Variants in CCT4 observed in about 807,000 individuals in gnomAD.
CCT4 encodes chaperonin containing TCP1 subunit 4.
CCT4 carries 17 observed loss-of-function variants against 62.5 expected under a neutral mutation model. That is an observed-to-expected ratio of 0.27 (90% CI 0.19 to 0.41). The LOEUF (loss-of-function observed/expected upper bound fraction) is 0.41. Among genes scored for constraint, CCT4 ranks in the 10% least tolerant of loss-of-function variants. The probability of loss-of-function intolerance (pLI) is 1.00; values close to 1 mark genes in which losing one functional copy is unlikely to be tolerated. For synonymous variants in CCT4, 250 were observed against 229.9 expected (o/e 1.09, Z -0.79); for missense variants, 592 against 659.2 (o/e 0.90, Z 1.12).
chr2:61,888,499 C>G lies in CCT4; in HGVS notation c.9G>C (p.Glu3Asp), dbSNP rs777678342. The change falls in exon 1 of 14, where the codon GAG becomes GAC. Residue 3 changes from glutamate (E) to aspartate (D), a missense_variant. Coordinates refer to ENST00000394440, the MANE Select transcript of CCT4 (RefSeq NM_006430.4). MP[E>D]NVAPRSGATA... ...TCGCCCCGCTCCGGGGTGCCACATT[C>G]TCGGGCATGGCAAACTCCGCTGTGT... 1.9e-6 allele frequency: 3 copies of G among 1,611,944 alleles called. No homozygotes were observed. Among genetic ancestry groups the G allele is most frequent in the African/African-American group, 1.3e-5 (1 of 75,016 alleles).
intron 3 of CCT4, among the ~76,000 whole-genome samples, chr2:61,882,929 A>T (rs181482275): frequency 6.6e-6 from 1 of 151,786 alleles, no homozygotes; most frequent in East Asian, 1.9e-4. Context: ...CAGCCTATGG[A>T]GTGGCTGGGA....
chr2:61,879,255 ACTT>A lies in CCT4; in HGVS notation c.380-247_380-245del, dbSNP rs1171255515. ...GGTCTTGACTAAAACCAAATTTTAT[ACTT>A]TTTTTTTTTTTTTTTTTTTCTGAGA... is the stretch of plus-strand genomic sequence containing the variant. On this transcript the variant is annotated intron_variant, in intron 4 of 13. Coordinates refer to ENST00000394440, the MANE Select transcript of CCT4 (RefSeq NM_006430.4). Among the ~76,000 whole-genome samples the A allele has an allele frequency of 7.1e-5, 5 of 70,840 alleles. No homozygotes were observed. In the East Asian group the frequency reaches 1.1e-3, roughly 15 times the overall value. 46.5% of individuals were successfully genotyped at this position (70,840 alleles called of 152,430 possible).
At chr2:61,881,524 G>A (rs1199554427) in intron 3 of CCT4, among the ~76,000 whole-genome samples, 1 of 151,990 alleles carries the variant, frequency 6.6e-6, no homozygotes. Flanking sequence ...CATACTATTT[G>A]TAAAATAGTA....
At chr2:61,870,284 A>G (rs1490286502) in intron 12 of CCT4, among the ~76,000 whole-genome samples, 1 of 152,072 alleles carries the variant, frequency 6.6e-6, no homozygotes, top group Non-Finnish European at 1.5e-5. Flanking sequence ...CAAAAAAACA[A>G]AACAAAACAA....
rs111946452 is a variant in CCT4, at chr2:61,886,765, CT to C, written c.127+1615del. Among the ~76,000 whole-genome samples, 1,058 of 145,538 alleles carry C rather than the reference CT, an allele frequency of 7.3e-3. 13 individuals are homozygous for C. Among genetic ancestry groups the C allele is most frequent in the African/African-American group, 0.021 (856 of 40,046 alleles). On this transcript the variant is annotated intron_variant, in intron 1 of 13. Transcript: ENST00000394440. ...AAACTCTCTTGGCCCCCAAATTTATCTTTTTTTTTTTTTGAGACGGAGTTTC... is the reference window on the plus strand; with the variant it reads ...AAACTCTCTTGGCCCCCAAATTTATCTTTTTTTTTTTTGAGACGGAGTTTC...
intron 1 of CCT4, 39 bp from the exon 2 acceptor site, chr2:61,885,111 CT>C (rs57035931): frequency 0.028 from 33,672 of 1,185,562 alleles, 17 homozygotes; most frequent in African/African-American, 0.048. Flanking sequence ...CAAATTAGAA[CT>C]TTTTTTTTTT....
chr2:61,870,457 C>A (rs1312604043), intron 12 of CCT4, among the ~76,000 whole-genome samples: 6 of 152,110 alleles, frequency 3.9e-5, no homozygotes, highest in Non-Finnish European at 8.8e-5. Context: ...TACAGGCATC[C>A]TTGCTTCCAG....
chr2:61,873,870 T>C (rs566868411), intron 8 of CCT4, among the ~76,000 whole-genome samples: 1 of 151,586 alleles, frequency 6.6e-6, no homozygotes, highest in Non-Finnish European at 1.5e-5. Flanking sequence ...CCGGCTCATT[T>C]ATTTATTTTT....
chr2:61,875,141 C>A (rs1382004990), intron 8 of CCT4, among the ~76,000 whole-genome samples: 17 of 148,236 alleles, frequency 1.1e-4, no homozygotes, highest in South Asian at 2.1e-4. Context: ...AACTCCATTT[C>A]AAAAAAAAAA....
rs902507996 is a variant in CCT4, at chr2:61,888,415, G to A, written c.93C>T (p.Ala31=). Residue 31 remains alanine, a synonymous_variant, in exon 1 of 14, where the codon GCC becomes GCT. Coordinates refer to ENST00000394440, the MANE Select transcript of CCT4 (RefSeq NM_006430.4). ...CGGAAATGTTGCTGAAGCGGATCTG[G>A]GCTGGCTTGTCGCGGTCCTGATAGG... is the stretch of plus-strand genomic sequence containing the variant. ...KGAYQDRDKP[A]QIRFSNISAA... is the part of the protein sequence containing the mutation. 4.3e-6 allele frequency: 7 copies of A among 1,613,190 alleles called. No homozygotes were observed. The highest frequency in any genetic ancestry group is 5.9e-6 in the Non-Finnish European group (7 of 1,179,684).
intron 1 of CCT4, 104 bp from the exon 2 acceptor site, chr2:61,885,176 A>G (rs2105142241): frequency 1.4e-6 from 1 of 736,652 alleles, no homozygotes; most frequent in Admixed American, 3.9e-5. Flanking sequence ...TCCTGGGCTC[A>G]AGCAACCCTC....
chr2:61,879,432 T>G lies in CCT4; in HGVS notation c.380-421A>C, dbSNP rs572242585. ...ACACGCCACCACACCCGGCTAATTT[T>G]TTTTGTATTTTTTTTTTTTTTTTTT... On this transcript the variant is annotated intron_variant, in intron 4 of 13. Transcript: ENST00000394440. 3.5e-5 allele frequency among the ~76,000 whole-genome samples: 5 copies of G among 141,014 alleles called. No homozygotes were observed. The South Asian group carries it at 9.5e-4, about 27-fold the overall frequency. The allele number at this position is 141,014 out of a possible 152,430, so 92.5% of individuals were successfully genotyped here. A position where few individuals can be genotyped will look rare whatever the true frequency, so the allele number is the denominator to read the frequency against.
intron 2 of CCT4, among the ~76,000 whole-genome samples, chr2:61,883,801 C>CAT (rs2105140550): frequency 6.7e-6 from 1 of 148,308 alleles, no homozygotes; most frequent in Admixed American, 6.6e-5. Flanking sequence ...CACACACACA[C>CAT]ACACACACAC....
chr2:61,883,021 A>G (rs1217899553), intron 3 of CCT4, among the ~76,000 whole-genome samples: 1 of 152,164 alleles, frequency 6.6e-6, no homozygotes, highest in Non-Finnish European at 1.5e-5. Context: ...TAGGCACACA[A>G]TGTATCCTAA....
At position 61,887,434 on chromosome 2, in the gene CCT4, T is replaced by C. The variant is rs535814469; in HGVS notation, c.127+947A>G. Reference sequence around the variant, plus strand: ...AGCTGGGGGAGATTAAGCCAAATACTTTCCAGGACACCAGGCCTTTAACAT... The same window carrying C: ...AGCTGGGGGAGATTAAGCCAAATACCTTCCAGGACACCAGGCCTTTAACAT... On this transcript the variant is annotated intron_variant, in intron 1 of 13. Coordinates refer to ENST00000394440, the MANE Select transcript of CCT4 (RefSeq NM_006430.4). Among the ~76,000 whole-genome samples, 4 of 152,320 alleles carry C rather than the reference T, an allele frequency of 2.6e-5. No individual in the cohort carries two copies. In the East Asian group the frequency reaches 7.7e-4, roughly 29 times the overall value.
chr2:61,869,429 G>A lies in CCT4; in HGVS notation c.1605+11C>T, dbSNP rs372858277. The A allele has an allele frequency of 5.9e-6, 9 of 1,521,556 alleles. No homozygotes were observed. In the African/African-American group the frequency reaches 1.2e-4, roughly 21 times the overall value. The allele number at this position is 1,521,556 out of a possible 1,614,324, so 94.3% of individuals were successfully genotyped here. ...ACCTCCTAAGAAAATTTGCAACCTG[G>A]AAACACTTACCACATCATCTATTTT... On this transcript the variant is annotated intron_variant, in intron 13 of 13. Transcript: ENST00000394440.
rs1210839913 is a variant in CCT4 at position 61,888,433 on chromosome 2, C to A, written c.75G>T (p.Gln25His). The A allele has an allele frequency of 1.9e-6, 3 of 1,612,550 alleles. No individual in the cohort carries two copies. Among genetic ancestry groups the A allele is most frequent in the Non-Finnish European group, 2.5e-6 (3 of 1,179,506 alleles). ...AAGGRGKGAY[Q>H]DRDKPAQIRF... is the part of the protein sequence containing the mutation. ...GGATCTGGGCTGGCTTGTCGCGGTC[C>A]TGATAGGCGCCTTTCCCGCGGCCGC... The change falls in exon 1 of 14, where the codon CAG (glutamine) becomes CAT (histidine). Residue 25 changes from glutamine (Q) to histidine (H), a missense_variant. By Grantham distance (24) the Gln-to-His change is conservative. Transcript: ENST00000394440.
chr2:61,877,099 A>T (rs1414856045), intron 6 of CCT4, 47 bp from the exon 7 acceptor site: 3 of 1,540,184 alleles, frequency 1.9e-6, no homozygotes, highest in South Asian at 2.3e-5. Context: ...GGGAGTGGAC[A>T]TCTGTACGTT....
chr2:61,886,996 T>G (rs958779830), intron 1 of CCT4, among the ~76,000 whole-genome samples: 9 of 152,138 alleles, frequency 5.9e-5, no homozygotes, highest in Non-Finnish European at 1.2e-4. Context: ...TGACCTCATG[T>G]GATCCGCCAG....
Sources: allele counts gnomAD v4.1 joint callset (sites outside exome capture counted in the v4.1 genomes callset), GRCh38; gene constraint gnomAD v4.1.1; transcripts MANE v1.5; gene names NCBI Gene and HGNC (gene_info 2026-07-23, HGNC 2026-07-21).